SLC22A23: variants seen among roughly 807,000 people sequenced by gnomAD.
The protein encoded by SLC22A23 is ion transporter protein.
SLC22A23 carries 26 observed loss-of-function variants against 61.0 expected under a neutral mutation model. That is an observed-to-expected ratio of 0.43 (90% CI 0.31 to 0.59). The LOEUF (loss-of-function observed/expected upper bound fraction) is 0.59, where lower values mean the gene tolerates loss of function less well. Among genes scored for constraint, SLC22A23 ranks in the 20% least tolerant of loss-of-function variants. The pLI is 0.11. For synonymous variants in SLC22A23, 430 were observed against 413.9 expected (o/e 1.04, Z -0.47); for missense variants, 796 against 934.7 (o/e 0.85, Z 1.94).
rs955244087 is a variant in SLC22A23, at chr6:3,286,774, G to A, written c.1546+85C>T. ...AGCAGTAGATTTTAGAGTGGCCAGC[G>A]GAGTCTTATGCAGCCCTTTCAAATG... On this transcript the variant is annotated intron_variant, in intron 7 of 9. Coordinates refer to ENST00000406686, the MANE Select transcript of SLC22A23 (RefSeq NM_015482.2). This position sits in a 1 kb window ranked among gnomAD's most constrained non-coding sequence, Gnocchi z 4.2. 18 of 1,141,798 alleles carry A rather than the reference G, an allele frequency of 1.6e-5. No individual in the cohort carries two copies. Among genetic ancestry groups the A allele is most frequent in the Middle Eastern group, 3.9e-4 (2 of 5,112 alleles). The allele number at this position is 1,141,798 out of a possible 1,614,324, so 70.7% of individuals were successfully genotyped here.
chr6:3,445,983 A>G (rs1771877386), intron 1 of SLC22A23, among the ~76,000 whole-genome samples: 1 of 152,182 alleles, frequency 6.6e-6, no homozygotes, highest in Non-Finnish European at 1.5e-5. Flanking sequence ...TGTTAAAAGC[A>G]GCAAGACAAG....
In SLC22A23 at chr6:3,410,367, A is replaced by G; in HGVS notation, c.759-25T>C. 6.4e-7 allele frequency: 1 copy of G among 1,559,454 alleles called. No individual in the cohort carries two copies. The highest frequency in any genetic ancestry group is 1.4e-5 in the African/African-American group (1 of 73,042). ...CCTGCATATGGAGAGGGAAAAAGTT[A>G]GGAATCATTGTGAAACAAGACAATG... On this transcript the variant is annotated intron_variant, in intron 2 of 9. Transcript: ENST00000406686. This position sits in a 1 kb window ranked among gnomAD's most constrained non-coding sequence, Gnocchi z 5.0.
chr6:3,289,490 G>A (rs149588049), intron 6 of SLC22A23, among the ~76,000 whole-genome samples: 1 of 152,376 alleles, frequency 6.6e-6, no homozygotes, highest in African/African-American at 2.4e-5. Context: ...CTGAGGAGGT[G>A]CGTCCATGTG....
rs1186728173 is a variant in SLC22A23 at position 3,317,276 on chromosome 6, C to CTG, written c.1082+6557_1082+6558insCA. 6.6e-6 allele frequency among the ~76,000 whole-genome samples: 1 copy of CTG among 152,206 alleles called. No individual in the cohort carries two copies. The highest frequency in any genetic ancestry group is 6.5e-5 in the Admixed American group (1 of 15,288). Reference sequence around the variant, plus strand: ...GACCAGGCTGTGTCTTGCACAAGGGCTCCCAGCTGAGGAAGGAGCTCTGTC... The same window carrying CTG: ...GACCAGGCTGTGTCTTGCACAAGGGCTGTCCCAGCTGAGGAAGGAGCTCTGTC... On this transcript the variant is annotated intron_variant, in intron 4 of 9. Transcript: ENST00000406686. This position sits in a 1 kb window ranked among gnomAD's most constrained non-coding sequence, Gnocchi z 4.4.
At chr6:3,291,685 A>C (rs1256817936) in intron 5 of SLC22A23, 1 of 152,244 alleles carries the variant, frequency 6.6e-6, no homozygotes, top group African/African-American at 2.4e-5. Flanking sequence ...AATTTTATAA[A>C]GAGCTTGAAA....
chr6:3,415,671 T>C, intron 2 of SLC22A23, 81 bp downstream of exon 2: 1 of 990,606 alleles, frequency 1.0e-6, no homozygotes, highest in Non-Finnish European at 1.5e-6. Flanking sequence ...CATGGTAAGC[T>C]AACACTGACT....
chr6:3,301,659 C>T (rs1761619345), intron 4 of SLC22A23, among the ~76,000 whole-genome samples: 1 of 152,232 alleles, frequency 6.6e-6, no homozygotes, highest in South Asian at 2.1e-4. Flanking sequence ...ACCCCTAGGG[C>T]CACGTACCCC....
Position 3,361,626 on chromosome 6 carries a change from G to A in SLC22A23, c.914-37624C>T, listed in dbSNP as rs116625848. Among the ~76,000 whole-genome samples the A allele has an allele frequency of 7.6e-3, 1,157 of 152,336 alleles. 17 individuals are homozygous for A. Among genetic ancestry groups the A allele is most frequent in the African/African-American group, 0.021 (871 of 41,578 alleles). On this transcript the variant is annotated intron_variant, in intron 3 of 9. Coordinates refer to ENST00000406686, the MANE Select transcript of SLC22A23 (RefSeq NM_015482.2). ...AGGGGCTGGGCCCATGAGTCTCTCT[G>A]CATCAGCAACACCTCACTCTCAGTT...
At position 3,298,126 on chromosome 6, in the gene SLC22A23, A is replaced by C; in HGVS notation, c.1175T>G (p.Met392Arg). The change falls in exon 5 of 10, where the codon ATG becomes AGG. Residue 392 changes from methionine (M) to arginine (R), a missense_variant. Coordinates refer to ENST00000406686, the MANE Select transcript of SLC22A23 (RefSeq NM_015482.2). ...LILHFTQKNR[M>R]NPEGDIKGVI... The stretch of plus-strand genomic sequence containing the variant: ...ACCCTTGATGTCGCCCTCAGGGTTC[A>C]TGCGATTCTTCTGTGTGAAGTGGAG... 6.3e-7 allele frequency: 1 copy of C among 1,585,014 alleles called. No homozygotes were observed. Among genetic ancestry groups the C allele is most frequent in the Non-Finnish European group, 8.6e-7 (1 of 1,168,722 alleles).
intron 3 of SLC22A23, among the ~76,000 whole-genome samples, chr6:3,403,476 G>A (rs1160336104): frequency 1.3e-5 from 2 of 152,210 alleles, no homozygotes; most frequent in East Asian, 1.9e-4. Context: ...TTGTTGACAT[G>A]AGGGCAGGGT....
chr6:3,338,756 C>A (rs1763996399), intron 3 of SLC22A23, among the ~76,000 whole-genome samples: 2 of 152,210 alleles, frequency 1.3e-5, no homozygotes. Context: ...ATAAAGAGAA[C>A]AATGCTATTA....
rs559250109 is a variant in SLC22A23 at position 3,298,788 on chromosome 6, A to C, written c.1083-570T>G. Reference sequence around the variant, plus strand: ...GAGATCGAGACCATCCTGGCTAACAAGGTGAAACCCCGTCTCTACTAAAAA... The same window carrying C: ...GAGATCGAGACCATCCTGGCTAACACGGTGAAACCCCGTCTCTACTAAAAA... On this transcript the variant is annotated intron_variant, in intron 4 of 9. Transcript: ENST00000406686. Among the ~76,000 whole-genome samples the C allele has an allele frequency of 5.3e-4, 80 of 151,766 alleles. 1 individual carries two copies. Among genetic ancestry groups the C allele is most frequent in the South Asian group, 2.3e-3 (11 of 4,804 alleles).
chr6:3,442,381 T>G (rs952675435), intron 1 of SLC22A23, among the ~76,000 whole-genome samples: 5 of 152,218 alleles, frequency 3.3e-5, no homozygotes, highest in Admixed American at 3.3e-4. Context: ...GCCACAGAAC[T>G]GTACACTGAA....
At chr6:3,291,374 G>A (rs1403806210) in intron 5 of SLC22A23, 1 of 152,204 alleles carries the variant, frequency 6.6e-6, no homozygotes, top group East Asian at 1.9e-4. Context: ...GTAGGGATTT[G>A]AATAAAGCAA....
In SLC22A23 at chr6:3,434,731, G is replaced by A. The variant is rs559892456; in HGVS notation, c.655-18876C>T. Reference sequence around the variant, plus strand: ...ACAGCACAAGGTCAGGCAGCAGAACGGAGGAGACGCGAGGGGTGTGGCCAA... The same window carrying A: ...ACAGCACAAGGTCAGGCAGCAGAACAGAGGAGACGCGAGGGGTGTGGCCAA... On this transcript the variant is annotated intron_variant, in intron 1 of 9. Coordinates refer to ENST00000406686, the MANE Select transcript of SLC22A23 (RefSeq NM_015482.2). 2.2e-4 allele frequency among the ~76,000 whole-genome samples: 34 copies of A among 152,316 alleles called. 1 individual carries two copies. The South Asian group carries it at 6.4e-3, about 29-fold the overall frequency.
intron 4 of SLC22A23, among the ~76,000 whole-genome samples, chr6:3,303,678 A>G (rs1358427617): frequency 6.6e-6 from 1 of 152,192 alleles, no homozygotes; most frequent in Non-Finnish European, 1.5e-5. Flanking sequence ...AGTAGAACAG[A>G]GGATATTAGA....
At position 3,456,342 on chromosome 6, in the gene SLC22A23, G is replaced by C. The variant is rs1311186564; in HGVS notation, c.218C>G (p.Pro73Arg). 17 of 1,548,858 alleles carry C rather than the reference G, an allele frequency of 1.1e-5. No individual in the cohort carries two copies. Among genetic ancestry groups the C allele is most frequent in the South Asian group, 2.4e-5 (2 of 84,040 alleles). The change falls in exon 1 of 10, where the codon CCG becomes CGG. Residue 73 changes from proline (P) to arginine (R), a missense_variant. Physicochemically the swap from Pro to Arg is moderately radical, Grantham distance 103. Transcript: ENST00000406686. This position sits in a 1 kb window ranked among gnomAD's most constrained non-coding sequence, Gnocchi z 7.1. ...HPSCCSAAAA[P>R]SLLLLDYDGS... ...GTCATAGTCCAGCAACAAGAGGCTCGGGGCCGCAGCCGCGGAGCAGCAGCT... is the reference window on the plus strand; with the variant it reads ...GTCATAGTCCAGCAACAAGAGGCTCCGGGCCGCAGCCGCGGAGCAGCAGCT...
rs1040182008 is a variant in SLC22A23 at position 3,394,024 on chromosome 6, C to G, written c.913+16164G>C. On this transcript the variant is annotated intron_variant, in intron 3 of 9. Transcript: ENST00000406686. ...TGCCAAAAAGGAGAGCTTGGAAACA[C>G]AGCAGAAGAGCAATGACCCCCTGCA... Among the ~76,000 whole-genome samples, 12 of 152,292 alleles carry G rather than the reference C, an allele frequency of 7.9e-5. No individual in the cohort carries two copies. In the East Asian group the frequency reaches 2.3e-3, roughly 29 times the overall value.
chr6:3,345,363 CTTTTTTTTTTTT>C (rs1163840651), intron 3 of SLC22A23, among the ~76,000 whole-genome samples: 3 of 124,762 alleles, frequency 2.4e-5, no homozygotes, highest in Non-Finnish European at 4.9e-5. Context: ...TATCTCTTTT[CTTTTTTTTTTTT>C]TTTTTTTGAG....
Sources: allele counts gnomAD v4.1 joint callset (sites outside exome capture counted in the v4.1 genomes callset), GRCh38; gene constraint gnomAD v4.1.1; non-coding constraint Gnocchi (gnomAD v3.1); transcripts MANE v1.5; gene names NCBI Gene and HGNC (gene_info 2026-07-23, HGNC 2026-07-21).